POU6F2: variants seen among roughly 807,000 people sequenced by gnomAD.
The protein encoded by POU6F2 is POU class 6 homeobox 2.
In POU6F2, 31 loss-of-function variants were observed where a neutral mutation model predicts 71.3. The ratio of observed to expected loss-of-function variants is 0.43; its 90% CI spans 0.33 to 0.59. POU6F2 has a LOEUF of 0.59. Ranked by LOEUF, POU6F2 falls within the 20% of genes least tolerant of loss-of-function variation. POU6F2 has a pLI of 0.04. For synonymous variants in POU6F2, 347 were observed against 355.7 expected, an observed-to-expected ratio of 0.98 and a Z score of 0.27; for missense variants, 783 against 856.8, an observed-to-expected ratio of 0.91 and a Z score of 1.07.
At chr7:39,260,900 T>C (rs1419204985) in intron 4 of POU6F2, among the ~76,000 whole-genome samples, 1 of 151,220 alleles carries the variant, frequency 6.6e-6, no homozygotes, top group Non-Finnish European at 1.5e-5. Flanking sequence ...ACACGCCACC[T>C]ACACATATAT....
At chr7:39,219,586 C>T (rs567775233) in intron 4 of POU6F2, among the ~76,000 whole-genome samples, 6 of 152,030 alleles carry the variant, frequency 3.9e-5, no homozygotes, top group Non-Finnish European at 8.8e-5. Flanking sequence ...AAACAATTTC[C>T]CTTGAAAACT....
chr7:39,185,886 T>TG (rs1411375493), intron 2 of POU6F2, among the ~76,000 whole-genome samples: 2 of 148,570 alleles, frequency 1.3e-5, no homozygotes, highest in Non-Finnish European at 3.0e-5. Context: ...TATGTATATA[T>TG]TTATATGTAT....
chr7:38,986,460 A>G (rs1338136975), intron 1 of POU6F2, among the ~76,000 whole-genome samples: 1 of 152,116 alleles, frequency 6.6e-6, no homozygotes, highest in Non-Finnish European at 1.5e-5. Flanking sequence ...ATGTACTGCC[A>G]TTTGTACTAG....
In POU6F2 at chr7:38,991,543, G is replaced by A. The variant is rs538385144; in HGVS notation, c.105+13485G>A. Among the ~76,000 whole-genome samples, 158 of 152,212 alleles carry A rather than the reference G, an allele frequency of 1.0e-3. 1 individual carries two copies. Among genetic ancestry groups the A allele is most frequent in the Non-Finnish European group, 1.5e-3 (104 of 68,014 alleles). ...ATCAAATTCACATATAGGACTAGAG[G>A]CCATGAATGTCATACTCTTGTCATG... is the stretch of plus-strand genomic sequence containing the variant. On this transcript the variant is annotated intron_variant, in intron 1 of 9. Coordinates refer to ENST00000518318, the MANE Select transcript of POU6F2 (RefSeq NM_001370959.1).
chr7:39,142,959 T>G (rs1214433462), intron 2 of POU6F2, among the ~76,000 whole-genome samples: 1 of 152,190 alleles, frequency 6.6e-6, no homozygotes, highest in Admixed American at 6.5e-5. Flanking sequence ...AACTAAACAG[T>G]TTTTTATGAA....
chr7:39,342,790 G>T (rs3800854), intron 5 of POU6F2, among the ~76,000 whole-genome samples: 86,305 of 152,032 alleles, frequency 0.57, 24,688 homozygotes, highest in East Asian at 0.74. Flanking sequence ...CAAATACCTC[G>T]TATCAGGCTT....
intron 4 of POU6F2, among the ~76,000 whole-genome samples, chr7:39,210,688 G>A (rs181869163): frequency 2.0e-5 from 3 of 152,192 alleles, no homozygotes; most frequent in Admixed American, 6.5e-5. Context: ...CAGACCAGCG[G>A]CATCAATGTC....
At chr7:39,057,225 C>T (rs1790548056) in intron 1 of POU6F2, among the ~76,000 whole-genome samples, 1 of 152,054 alleles carries the variant, frequency 6.6e-6, no homozygotes. Context: ...ATTCTCCTTA[C>T]TACTTTTGCA....
At position 39,467,106 on chromosome 7, in the gene POU6F2, C is replaced by A. The variant is rs1249614469; in HGVS notation, c.*2420C>A. The A allele has an allele frequency of 6.6e-6, 1 of 152,170 alleles. No homozygotes were observed. The highest frequency in any genetic ancestry group is 1.5e-5 in the Non-Finnish European group (1 of 68,030). 9.4% of individuals were successfully genotyped at this position (152,170 alleles called of 1,614,324 possible). Reference sequence around the variant, plus strand: ...AGGGAAAATATAAAATAAAAGTAATCTTCCAGAGTGGAACAAAAAAGAAAT... The same window carrying A: ...AGGGAAAATATAAAATAAAAGTAATATTCCAGAGTGGAACAAAAAAGAAAT... On this transcript the variant is annotated 3_prime_UTR_variant, in exon 10 of 10. Coordinates refer to ENST00000518318, the MANE Select transcript of POU6F2 (RefSeq NM_001370959.1).
chr7:39,389,685 C>A (rs1787024668), intron 5 of POU6F2, among the ~76,000 whole-genome samples: 1 of 152,060 alleles, frequency 6.6e-6, no homozygotes, highest in Admixed American at 6.6e-5. Context: ...ATTTGTGTTT[C>A]TTGGTTTTAT....
intron 6 of POU6F2, among the ~76,000 whole-genome samples, chr7:39,410,904 G>T (rs2115913997): frequency 6.6e-6 from 1 of 152,284 alleles, no homozygotes; most frequent in African/African-American, 2.4e-5. Flanking sequence ...CTGTGAGACT[G>T]GGCAGTTTCC....
At chr7:39,415,565 G>A (rs1787654722) in intron 6 of POU6F2, among the ~76,000 whole-genome samples, 1 of 152,158 alleles carries the variant, frequency 6.6e-6, no homozygotes, top group Admixed American at 6.5e-5. Flanking sequence ...TTTCTTTCAT[G>A]AGCATAGTTT....
At chr7:39,318,987 A>T (rs545235598) in intron 4 of POU6F2, among the ~76,000 whole-genome samples, 3 of 152,250 alleles carry the variant, frequency 2.0e-5, no homozygotes, top group East Asian at 1.9e-4. Flanking sequence ...TAAAAAAATT[A>T]AAAAATTAGT....
At chr7:39,416,400 C>T (rs576303488) in intron 6 of POU6F2, among the ~76,000 whole-genome samples, 203 of 152,222 alleles carry the variant, frequency 1.3e-3, no homozygotes, top group Non-Finnish European at 2.6e-3. Flanking sequence ...GTGAGTGCTT[C>T]GTATGGGCAC....
At chr7:39,454,676 AT>A (rs1484057785) in intron 8 of POU6F2, among the ~76,000 whole-genome samples, 4 of 5,376 alleles carry the variant, frequency 7.4e-4, no homozygotes, top group South Asian at 7.0e-3. Flanking sequence ...ATATATATAT[AT>A]ATATATATAT....
chr7:39,374,137 A>G (rs556546412), intron 5 of POU6F2, among the ~76,000 whole-genome samples: 20 of 152,352 alleles, frequency 1.3e-4, no homozygotes, highest in African/African-American at 4.8e-4. Context: ...GATTTGTTCA[A>G]CTTTACGTCA....
At chr7:39,300,572 T>C in intron 4 of POU6F2, among the ~76,000 whole-genome samples, 1 of 152,164 alleles carries the variant, frequency 6.6e-6, no homozygotes, top group East Asian at 1.9e-4. Flanking sequence ...TTTCTGACAG[T>C]TCTGGAGACG....
At chr7:38,981,246 CT>C (rs1224194792) in intron 1 of POU6F2, among the ~76,000 whole-genome samples, 2 of 152,192 alleles carry the variant, frequency 1.3e-5, no homozygotes, top group African/African-American at 2.4e-5. Context: ...ATTTCCATCT[CT>C]TATGGCCATG....
chr7:39,063,113 AAAAG>A (rs1340110286), intron 1 of POU6F2, among the ~76,000 whole-genome samples: 1 of 152,198 alleles, frequency 6.6e-6, no homozygotes, highest in Non-Finnish European at 1.5e-5. Context: ...CTACAAGACA[AAAAG>A]AAACATTATT....
Sources: gnomAD v4.1 joint callset for allele counts (sites outside exome capture counted in the v4.1 genomes callset) on GRCh38, gnomAD v4.1.1 for gene constraint, MANE v1.5 for transcripts, NCBI Gene and HGNC (gene_info 2026-07-23, HGNC 2026-07-21) for gene names.